PTPRD: variants seen among roughly 807,000 people sequenced by gnomAD.
The protein encoded by PTPRD is receptor-type tyrosine-protein phosphatase delta.
A neutral mutation model predicts 214.5 loss-of-function variants in PTPRD; 34 were observed. The observed-to-expected ratio is 0.16, with a 90% CI of 0.12 to 0.21. The LOEUF (loss-of-function observed/expected upper bound fraction) is 0.21. Ranked by LOEUF, PTPRD falls within the 10% of genes least tolerant of loss-of-function variation. The pLI is 1.00. For missense variants in PTPRD, 2,545 were observed against 2,398.7 expected, an observed-to-expected ratio of 1.06 and a Z score of -1.27; for synonymous variants, 1,128 against 845.7, an observed-to-expected ratio of 1.33 and a Z score of -5.79.
rs1225006810 is a variant in PTPRD at position 9,803,909 on chromosome 9, A to G, written c.-367-37058T>C. 4 of 152,036 alleles carry G rather than the reference A, an allele frequency of 2.6e-5. No homozygotes were observed. In the South Asian group the frequency reaches 8.3e-4, roughly 31 times the overall value. The allele number at this position is 152,036 out of a possible 1,614,324, so 9.4% of individuals were successfully genotyped here. A position where few individuals can be genotyped will look rare whatever the true frequency, so the allele number is the denominator to read the frequency against. ...ACACAAGAGCATACAAGAGATCTAG[A>G]TTTTGTTTAGTGTTTCACTATCTCA... On this transcript the variant is annotated intron_variant, in intron 5 of 45. Transcript: ENST00000381196.
chr9:9,315,073 A>C lies in PTPRD; in HGVS notation c.-203+82376T>G, dbSNP rs13298481. ...ATCAACATTTTAACTAAGGCCAACTAAAGTTGTCATTTAGAATTTTCATTG... is the reference window on the plus strand; with the variant it reads ...ATCAACATTTTAACTAAGGCCAACTCAAGTTGTCATTTAGAATTTTCATTG... On this transcript the variant is annotated intron_variant, in intron 9 of 45. Transcript: ENST00000381196. Among the ~76,000 whole-genome samples, 922 of 152,172 alleles carry C rather than the reference A, an allele frequency of 6.1e-3. 2 individuals are homozygous for C. Among genetic ancestry groups the C allele is most frequent in the South Asian group, 0.013 (62 of 4,830 alleles).
At chr9:9,933,466 C>T (rs1469785973) in intron 5 of PTPRD, among the ~76,000 whole-genome samples, 1 of 151,770 alleles carries the variant, frequency 6.6e-6, no homozygotes, top group Non-Finnish European at 1.5e-5. Flanking sequence ...CAACAAAGAT[C>T]AAAAGAGACA....
intron 11 of PTPRD, among the ~76,000 whole-genome samples, chr9:8,836,585 A>G (rs2097427185): frequency 7.9e-6 from 1 of 127,368 alleles, no homozygotes; most frequent in African/African-American, 2.9e-5. Flanking sequence ...ATTAATAAAA[A>G]CCTTTTTTTT....
intron 2 of PTPRD, among the ~76,000 whole-genome samples, chr9:10,491,376 GA>G (rs569272408): frequency 4.9e-4 from 75 of 152,092 alleles, no homozygotes; most frequent in Admixed American, 4.5e-3. Context: ...TGTCAAGTAA[GA>G]CATAAGAATT....
intron 2 of PTPRD, among the ~76,000 whole-genome samples, chr9:10,477,944 C>T (rs1354280863): frequency 6.6e-6 from 1 of 151,692 alleles, no homozygotes; most frequent in Non-Finnish European, 1.5e-5. Flanking sequence ...AACACATGAA[C>T]ACAGGGAGGT....
At chr9:10,316,307 G>A (rs1380441385) in intron 3 of PTPRD, among the ~76,000 whole-genome samples, 1 of 151,542 alleles carries the variant, frequency 6.6e-6, no homozygotes, top group African/African-American at 2.4e-5. Flanking sequence ...TACTATAAAT[G>A]TAAAGGTCCT....
intron 11 of PTPRD, among the ~76,000 whole-genome samples, chr9:8,952,898 A>G (rs557829770): frequency 6.6e-6 from 1 of 152,084 alleles, no homozygotes; most frequent in South Asian, 2.1e-4. Context: ...AAAGCATAAC[A>G]AAGAAGAATC....
At chr9:9,873,656 G>A (rs545999446) in intron 5 of PTPRD, among the ~76,000 whole-genome samples, 1 of 152,172 alleles carries the variant, frequency 6.6e-6, no homozygotes, top group East Asian at 1.9e-4. Flanking sequence ...CAGCAAATTA[G>A]AATGTAGTTT....
chr9:8,345,899 C>G (rs1857145913), intron 39 of PTPRD, among the ~76,000 whole-genome samples: 1 of 152,020 alleles, frequency 6.6e-6, no homozygotes, highest in African/African-American at 2.4e-5. Context: ...GATTACATAT[C>G]TCTGCCAGTC....
At chr9:8,516,062 A>C (rs376578656) in intron 21 of PTPRD, among the ~76,000 whole-genome samples, 2 of 152,248 alleles carry the variant, frequency 1.3e-5, no homozygotes, top group East Asian at 3.9e-4. Flanking sequence ...AAAAAGCTCA[A>C]AGTGGAATGT....
chr9:9,856,178 C>G (rs539762033), intron 5 of PTPRD, among the ~76,000 whole-genome samples: 1 of 152,276 alleles, frequency 6.6e-6, no homozygotes, highest in South Asian at 2.1e-4. Context: ...AGCTGTCCCT[C>G]TGAAGTCAAG....
intron 10 of PTPRD, 77 bp downstream of exon 10, chr9:9,183,227 T>C (rs959220771): frequency 1.3e-5 from 2 of 152,000 alleles, no homozygotes; most frequent in East Asian, 1.9e-4. Context: ...TTCGTTGAGT[T>C]GAACTATACA....
chr9:8,707,151 T>G (rs2154400619), intron 12 of PTPRD, among the ~76,000 whole-genome samples: 1 of 152,346 alleles, frequency 6.6e-6, no homozygotes, highest in Middle Eastern at 3.4e-3. Context: ...AGGACTATAC[T>G]CTATGTCTTT....
At chr9:9,594,092 T>C (rs1265435430) in intron 7 of PTPRD, among the ~76,000 whole-genome samples, 2 of 152,054 alleles carry the variant, frequency 1.3e-5, no homozygotes, top group East Asian at 1.9e-4. Flanking sequence ...AAAATATCAG[T>C]TCAGTATGAA....
At chr9:9,902,858 T>C (rs1362825858) in intron 5 of PTPRD, among the ~76,000 whole-genome samples, 1 of 152,168 alleles carries the variant, frequency 6.6e-6, no homozygotes, top group African/African-American at 2.4e-5. Context: ...ATTTAGGTGA[T>C]AGCAAATTTT....
chr9:8,700,314 G>T (rs1402968584), intron 12 of PTPRD, among the ~76,000 whole-genome samples: 1 of 152,184 alleles, frequency 6.6e-6, no homozygotes, highest in Non-Finnish European at 1.5e-5. Context: ...CCACTAAGAA[G>T]AGTAGTCAGC....
At chr9:9,589,772 G>A (rs143336515) in intron 7 of PTPRD, among the ~76,000 whole-genome samples, 1 of 152,108 alleles carries the variant, frequency 6.6e-6, no homozygotes, top group Non-Finnish European at 1.5e-5. Context: ...TTTCAGAGAT[G>A]TTGAAATTTG....
At chr9:10,503,927 T>G (rs2133366396) in intron 2 of PTPRD, among the ~76,000 whole-genome samples, 1 of 151,148 alleles carries the variant, frequency 6.6e-6, no homozygotes, top group South Asian at 2.1e-4. Context: ...CCATCCTGGC[T>G]AACACGGTGA....
intron 8 of PTPRD, among the ~76,000 whole-genome samples, chr9:9,511,619 C>T (rs1250716158): frequency 6.6e-6 from 1 of 151,722 alleles, no homozygotes; most frequent in East Asian, 1.9e-4. Context: ...CATCATATCT[C>T]TTGCATTGCT....
Sources: gnomAD v4.1 joint callset for allele counts (sites outside exome capture counted in the v4.1 genomes callset) on GRCh38, gnomAD v4.1.1 for gene constraint, MANE v1.5 for transcripts, NCBI Gene and HGNC (gene_info 2026-07-23, HGNC 2026-07-21) for gene names.